The following MYO6 variants were observed in gnomAD, a reference collection of about 807,000 sequenced individuals.
The protein encoded by MYO6 is myosin VI.
A neutral mutation model predicts 178.7 loss-of-function variants in MYO6; 74 were observed. The ratio of observed to expected loss-of-function variants is 0.41; its 90% CI spans 0.34 to 0.50. The LOEUF is 0.50. Ranked by LOEUF, MYO6 falls within the 20% of genes least tolerant of loss-of-function variation. The probability of loss-of-function intolerance (pLI) is 0.09; values close to 1 mark genes in which losing one functional copy is unlikely to be tolerated. For synonymous variants in MYO6, 477 were observed against 504.6 expected (o/e 0.95, Z 0.73); for missense variants, 1,330 against 1,547.4 (o/e 0.86, Z 2.36).
At chr6:75,848,579 G>A (rs1562243831) in intron 11 of MYO6, 48 bp downstream of exon 11, 1 of 1,571,748 alleles carries the variant, frequency 6.4e-7, no homozygotes, top group East Asian at 2.3e-5. Context: ...TAGAATTTCT[G>A]TTATTTATTT....
chr6:75,907,628 A>G lies in MYO6; in HGVS notation c.3200A>G (p.Lys1067Arg), dbSNP rs759525458. The part of the protein sequence containing the change: ...LSRGPAVLAT[K>R]AAAGTKKYDL... ...AGAGGTCCTGCTGTACTAGCCACCA[A>G]AGCAGCTGCTGGTACTAAGAAATAT... is the stretch of plus-strand genomic sequence containing the variant. The change falls in exon 31 of 35, where the codon AAA becomes AGA. Residue 1067 changes from lysine to arginine, a missense_variant. Coordinates refer to ENST00000369977, the MANE Select transcript of MYO6 (RefSeq NM_004999.4). 1.9e-6 allele frequency: 3 copies of G among 1,613,542 alleles called. No individual in the cohort carries two copies. Among genetic ancestry groups the G allele is most frequent in the Admixed American group, 3.3e-5 (2 of 59,996 alleles).
intron 1 of MYO6, among the ~76,000 whole-genome samples, chr6:75,749,989 A>C (rs1776710871): frequency 6.6e-6 from 1 of 152,170 alleles, no homozygotes; most frequent in South Asian, 2.1e-4. Context: ...AACGATTAAA[A>C]TGCTTAAACT....
At chr6:75,891,477 A>G (rs1053910474) in intron 27 of MYO6, among the ~76,000 whole-genome samples, 171 bp downstream of exon 27, 1 of 151,922 alleles carries the variant, frequency 6.6e-6, no homozygotes, top group African/African-American at 2.4e-5. Context: ...CTTATACGAA[A>G]ACAAATTAGC....
intron 1 of MYO6, among the ~76,000 whole-genome samples, chr6:75,810,969 T>A (rs1770639647): frequency 6.6e-6 from 1 of 151,946 alleles, no homozygotes; most frequent in Non-Finnish European, 1.5e-5. Context: ...ATTGTGCCAT[T>A]GCACTCCAGC....
chr6:75,774,380 C>T (rs921849607), intron 1 of MYO6, among the ~76,000 whole-genome samples: 3 of 151,870 alleles, frequency 2.0e-5, no homozygotes, highest in Non-Finnish European at 4.4e-5. Flanking sequence ...ACCCATAATC[C>T]AGTAGTTTGA....
intron 8 of MYO6, 59 bp downstream of exon 8, chr6:75,840,741 G>A (rs776827143): frequency 2.3e-4 from 281 of 1,241,780 alleles, no homozygotes; most frequent in Non-Finnish European, 3.2e-4. Flanking sequence ...AAATGCAAGG[G>A]TCAGTTGGTG....
chr6:75,839,136 T>A (rs769218614), intron 7 of MYO6, among the ~76,000 whole-genome samples: 2 of 152,128 alleles, frequency 1.3e-5, no homozygotes, highest in African/African-American at 2.4e-5. Flanking sequence ...GAAATCTGCT[T>A]GAAAAGGCTT....
intron 11 of MYO6, among the ~76,000 whole-genome samples, chr6:75,849,922 G>A (rs1260356323): frequency 1.3e-5 from 2 of 152,056 alleles, no homozygotes; most frequent in South Asian, 2.1e-4. Flanking sequence ...TTGGAATTAG[G>A]AGCATAGATA....
rs1768105635 is a variant in MYO6 at position 75,790,421 on chromosome 6, A to C, written c.-47-27080A>C. On this transcript the variant is annotated intron_variant, in intron 1 of 34. Coordinates refer to ENST00000369977, the MANE Select transcript of MYO6 (RefSeq NM_004999.4). ...GAGATGGAGTCTTGCTCTGTCACCCAGGCTGGAGTGCAGTGGCACGATCTC... is the reference window on the plus strand; with the variant it reads ...GAGATGGAGTCTTGCTCTGTCACCCCGGCTGGAGTGCAGTGGCACGATCTC... Among the ~76,000 whole-genome samples the C allele has an allele frequency of 2.7e-5, 4 of 147,454 alleles. 1 individual carries two copies. In the South Asian group the frequency reaches 8.6e-4, roughly 32 times the overall value.
At chr6:75,889,996 C>G in intron 25 of MYO6, 61 bp from the exon 26 acceptor site, 1 of 1,148,536 alleles carries the variant, frequency 8.7e-7, no homozygotes, top group South Asian at 1.3e-5. Context: ...TAAGTATATT[C>G]ACATTGTTGT....
chr6:75,800,676 G>C (rs558328959), intron 1 of MYO6, among the ~76,000 whole-genome samples: 1 of 152,248 alleles, frequency 6.6e-6, no homozygotes, highest in Non-Finnish European at 1.5e-5. Flanking sequence ...ATGTGCTCTA[G>C]ATGTCTGGAG....
chr6:75,836,624 C>T, intron 7 of MYO6, among the ~76,000 whole-genome samples: 1 of 151,384 alleles, frequency 6.6e-6, no homozygotes, highest in African/African-American at 2.4e-5. Flanking sequence ...ACTCTGTCAC[C>T]CAGGCTGGAG....
chr6:75,781,703 C>T (rs921663893), intron 1 of MYO6, among the ~76,000 whole-genome samples: 40 of 151,952 alleles, frequency 2.6e-4, no homozygotes, highest in Non-Finnish European at 4.1e-4. Flanking sequence ...AGGTGGATCA[C>T]GAGGTCAGGA....
rs545240538 is a variant in MYO6 at position 75,859,693 on chromosome 6, A to G, written c.1473+700A>G. Among the ~76,000 whole-genome samples, 182 of 116,408 alleles carry G rather than the reference A, an allele frequency of 1.6e-3. 1 individual carries two copies. The highest frequency in any genetic ancestry group is 2.9e-3 in the Admixed American group (34 of 11,626). The allele number at this position is 116,408 out of a possible 152,430, so 76.4% of individuals were successfully genotyped here. A position where few individuals can be genotyped will look rare whatever the true frequency, so the allele number is the denominator to read the frequency against. On this transcript the variant is annotated intron_variant, in intron 14 of 34. Coordinates refer to ENST00000369977, the MANE Select transcript of MYO6 (RefSeq NM_004999.4). ...TTTTTTTTTTTTTTTTTTGAGACGA[A>G]GTCTTGCTCAGGCTGGAATGCAGTG...
chr6:75,797,595 A>G, intron 1 of MYO6, among the ~76,000 whole-genome samples: 1 of 151,776 alleles, frequency 6.6e-6, no homozygotes, highest in Non-Finnish European at 1.5e-5. Flanking sequence ...GTGCAGTGGC[A>G]TGATCTTGGC....
intron 1 of MYO6, among the ~76,000 whole-genome samples, chr6:75,786,390 G>A (rs947234166): frequency 3.9e-5 from 6 of 152,214 alleles, no homozygotes; most frequent in East Asian, 3.9e-4. Context: ...TTCTGCATAC[G>A]TTTTAGAATA....
Position 75,914,271 on chromosome 6 carries a change from A to G in MYO6, c.3648A>G (p.Leu1216=), listed in dbSNP as rs1322815668. The change falls in exon 34 of 35, where the codon CTA becomes CTG. Residue 1216 remains leucine (L), a synonymous_variant. Coordinates refer to ENST00000369977, the MANE Select transcript of MYO6 (RefSeq NM_004999.4). Reference sequence around the variant, plus strand: ...TCCATCCTGACAAGCCACCCATCCTACTTGTGGCTGGTGTGTATGATTCAC... The same window carrying G: ...TCCATCCTGACAAGCCACCCATCCTGCTTGTGGCTGGTGTGTATGATTCAC... ...MELHPDKPPI[L]LVAGKDDMEM... 4 of 1,614,214 alleles carry G rather than the reference A, an allele frequency of 2.5e-6. No homozygotes were observed. The highest frequency in any genetic ancestry group is 3.3e-5 in the Admixed American group (2 of 60,022).
Position 75,856,161 on chromosome 6 carries a change from G to A in MYO6, c.1223+878G>A, listed in dbSNP as rs369283089. Among the ~76,000 whole-genome samples, 158 of 152,242 alleles carry A rather than the reference G, an allele frequency of 1.0e-3. 2 individuals are homozygous for A. The highest frequency in any genetic ancestry group is 1.7e-3 in the Non-Finnish European group (114 of 68,004). On this transcript the variant is annotated intron_variant, in intron 12 of 34. Coordinates refer to ENST00000369977, the MANE Select transcript of MYO6 (RefSeq NM_004999.4). The stretch of plus-strand genomic sequence containing the variant: ...ACCACCCTACAGCCTACAGTTACTT[G>A]GTTCCTTAGAGATATCTCTGCGGCC...
chr6:75,870,039 G>A (rs1187862897), intron 18 of MYO6, among the ~76,000 whole-genome samples: 3 of 151,896 alleles, frequency 2.0e-5, no homozygotes, highest in Non-Finnish European at 4.4e-5. Context: ...GCGTGAACCC[G>A]GGAGGTGGAG....
Sources: gnomAD v4.1 joint callset for allele counts (sites outside exome capture counted in the v4.1 genomes callset) on GRCh38, gnomAD v4.1.1 for gene constraint, MANE v1.5 for transcripts, NCBI Gene and HGNC (gene_info 2026-07-23, HGNC 2026-07-21) for gene names.